Variants in JRK observed in about 807,000 individuals in gnomAD.
JRK encodes Jrk helix-turn-helix protein.
For synonymous variants in JRK, 303 were observed against 218.1 expected (o/e 1.39, Z -3.43); for missense variants, 720 against 509.2 (o/e 1.41, Z -3.98).
In JRK at chr8:142,664,662, T is replaced by C. The variant is rs1554635237; in HGVS notation, c.1397A>G (p.Glu466Gly). The change falls in exon 2 of 2, where the codon GAA becomes GGA. Residue 466 changes from glutamate (E) to glycine (G), a missense_variant. Physicochemically the swap from Glu to Gly is moderately conservative, Grantham distance 98 (BLOSUM62 -2). Coordinates refer to ENST00000612905, the MANE Select transcript of JRK (RefSeq NM_003724.4). ...TSPAEVVWSS[E>G]KTPKADQDGR... ...GTCCTGGTCAGCTTTCGGAGTCTTT[T>C]CTGAACTCCACACAACCTCTGCTGG... 1.9e-6 allele frequency: 3 copies of C among 1,611,628 alleles called. No individual in the cohort carries two copies. The highest frequency in any genetic ancestry group is 1.7e-5 in the Admixed American group (1 of 59,854).
At chr8:142,646,575 T>C in the JRK span, among the ~76,000 whole-genome samples, 1 of 152,250 alleles carries the variant, frequency 6.6e-6, no homozygotes, top group African/African-American at 2.4e-5. Context: ...AGTATAAAAT[T>C]GCTTTAAAAA....
At position 142,660,369 on chromosome 8, in the gene JRK, A is replaced by G. The variant is rs1472706113; in HGVS notation, c.*3983T>C. 7.1e-6 allele frequency: 7 copies of G among 984,984 alleles called. No homozygotes were observed. Among genetic ancestry groups the G allele is most frequent in the Non-Finnish European group, 8.4e-6 (7 of 829,904 alleles). The allele number at this position is 984,984 out of a possible 1,614,324, so 61.0% of individuals were successfully genotyped here. A position where few individuals can be genotyped will look rare whatever the true frequency, so the allele number is the denominator to read the frequency against. ...CCCTACCTACCTCATGACCTCCCCG[A>G]CCCTGATCTCCACACCTGACCCCAA... is the stretch of plus-strand genomic sequence containing the variant. On this transcript the variant is annotated 3_prime_UTR_variant, in exon 2 of 2. Coordinates refer to ENST00000612905, the MANE Select transcript of JRK (RefSeq NM_003724.4).
downstream of JRK, among the ~76,000 whole-genome samples, chr8:142,652,790 G>A (rs1487014952): frequency 6.6e-6 from 1 of 152,178 alleles, no homozygotes; most frequent in Non-Finnish European, 1.5e-5. Context: ...AAAGAGAGGT[G>A]ACCTATAGCT....
At chr8:142,647,812 GGGTTGGAAC>G in the JRK span, among the ~76,000 whole-genome samples, 2 of 152,234 alleles carry the variant, frequency 1.3e-5, no homozygotes, top group Admixed American at 6.5e-5. Context: ...TAAAAGGCAG[GGGTTGGAAC>G]AGTTTGGAGG....
At chr8:142,643,835 A>G in the JRK span, among the ~76,000 whole-genome samples, 1 of 152,236 alleles carries the variant, frequency 6.6e-6, no homozygotes, top group Non-Finnish European at 1.5e-5. Context: ...TATGTAAATA[A>G]CTGTATTGCC....
At chr8:142,647,429 T>G in the JRK span, among the ~76,000 whole-genome samples, 1 of 150,256 alleles carries the variant, frequency 6.7e-6, no homozygotes, top group Non-Finnish European at 1.5e-5. Flanking sequence ...AATTCCCACA[T>G]GTTATGGGAG....
downstream of JRK, among the ~76,000 whole-genome samples, chr8:142,654,104 G>A (rs1554633420): frequency 6.6e-6 from 1 of 152,160 alleles, no homozygotes; most frequent in Non-Finnish European, 1.5e-5. Flanking sequence ...CTGCTGATTG[G>A]TATCAAACCA....
chr8:142,654,628 T>C (rs185465815), downstream of JRK, among the ~76,000 whole-genome samples: 505 of 103,698 alleles, frequency 4.9e-3, 2 homozygotes, highest in African/African-American at 0.014. Context: ...CTGACCTCCC[T>C]GGCTGGCTCA....
At chr8:142,653,449 G>C (rs1274371652), downstream of JRK, among the ~76,000 whole-genome samples, 2 of 152,108 alleles carry the variant, frequency 1.3e-5, no homozygotes, top group Admixed American at 6.5e-5. Flanking sequence ...TCATGGCACA[G>C]TGTGGCCTTG....
Position 142,658,802 on chromosome 8 carries a change from T to A in JRK, c.*5550A>T, listed in dbSNP as rs1846819935. 22 of 1,580,592 alleles carry A rather than the reference T, an allele frequency of 1.4e-5. No homozygotes were observed. The highest frequency in any genetic ancestry group is 1.8e-5 in the Non-Finnish European group (21 of 1,163,188). On this transcript the variant is annotated 3_prime_UTR_variant, in exon 2 of 2. Coordinates refer to ENST00000612905, the MANE Select transcript of JRK (RefSeq NM_003724.4). ...ACACCCATAACCTCAAGGGCACTGGTGGGGACAGAGGGGTCTTACCCAGCA... is the reference window on the plus strand; with the variant it reads ...ACACCCATAACCTCAAGGGCACTGGAGGGGACAGAGGGGTCTTACCCAGCA...
Position 142,663,514 on chromosome 8 carries a change from A to G in JRK, c.*838T>C, listed in dbSNP as rs750530. On this transcript the variant is annotated 3_prime_UTR_variant, in exon 2 of 2. Transcript: ENST00000612905. Reference sequence around the variant, plus strand: ...ATCAAGACGTATTCATGTAAAGGCCATAAGTATGAAATTCTGGGCAACATG... The same window carrying G: ...ATCAAGACGTATTCATGTAAAGGCCGTAAGTATGAAATTCTGGGCAACATG... 651,986 of 985,338 alleles carry G rather than the reference A, an allele frequency of 0.66. 218,997 individuals are homozygous for G. The highest frequency in any genetic ancestry group is 0.69 in the Admixed American group (11,268 of 16,278). The allele number at this position is 985,338 out of a possible 1,614,324, so 61.0% of individuals were successfully genotyped here.
In JRK at chr8:142,665,134, C is replaced by T. The variant is rs587668078; in HGVS notation, c.925G>A (p.Glu309Lys). ...GTGAAAACGTTACTGGACACCAGCTCGGCCTCCTGCGGGTGAGCCCGGGAG... is the reference window on the plus strand; with the variant it reads ...GTGAAAACGTTACTGGACACCAGCTTGGCCTCCTGCGGGTGAGCCCGGGAG... ...DSSRAHPQEA[E>K]LVSSNVFTIF... The change falls in exon 2 of 2, where the codon GAG (glutamate) becomes AAG (lysine). Residue 309 changes from glutamate (E) to lysine (K), a missense_variant. Transcript: ENST00000612905. 38 of 717,826 alleles carry T rather than the reference C, an allele frequency of 5.3e-5. No individual in the cohort carries two copies. The highest frequency in any genetic ancestry group is 8.7e-5 in the African/African-American group (5 of 57,400). The allele number at this position is 717,826 out of a possible 1,614,324, so 44.5% of individuals were successfully genotyped here.
rs1846960250 is a variant in JRK, at chr8:142,662,857, A to G, written c.*1495T>C. The G allele has an allele frequency of 1.0e-6, 1 of 985,266 alleles. No individual in the cohort carries two copies. The highest frequency in any genetic ancestry group is 6.2e-5 in the Admixed American group (1 of 16,258). 61.0% of individuals were successfully genotyped at this position (985,266 alleles called of 1,614,324 possible). A position where few individuals can be genotyped will look rare whatever the true frequency, so the allele number is the denominator to read the frequency against. On this transcript the variant is annotated 3_prime_UTR_variant, in exon 2 of 2. Coordinates refer to ENST00000612905, the MANE Select transcript of JRK (RefSeq NM_003724.4). ...TCAAGGGCAAAGCACTGAAAATAACATAGCAAGAAAAACCTATTTAGGCCG... is the reference window on the plus strand; with the variant it reads ...TCAAGGGCAAAGCACTGAAAATAACGTAGCAAGAAAAACCTATTTAGGCCG...
rs1846926245 is a variant in JRK at position 142,661,868 on chromosome 8, G to A, written c.*2484C>T. 2 of 985,398 alleles carry A rather than the reference G, an allele frequency of 2.0e-6. No individual in the cohort carries two copies. Among genetic ancestry groups the A allele is most frequent in the Admixed American group, 6.1e-5 (1 of 16,262 alleles). 61.0% of individuals were successfully genotyped at this position (985,398 alleles called of 1,614,324 possible). ...AGGAAGTGAAAACAAAGTGCTCGGA[G>A]GACACGGCAGTCTCCATAAAGCGTT... On this transcript the variant is annotated 3_prime_UTR_variant, in exon 2 of 2. Coordinates refer to ENST00000612905, the MANE Select transcript of JRK (RefSeq NM_003724.4).
Position 142,661,567 on chromosome 8 carries a change from T to G in JRK, c.*2785A>C. On this transcript the variant is annotated 3_prime_UTR_variant, in exon 2 of 2. Transcript: ENST00000612905. ...GCCACTGGAAAACTGAGGCTGCAAC[T>G]TGCAGGGGCACTGTGAGAAGACAGG... The G allele has an allele frequency of 1.0e-6, 1 of 985,508 alleles. No homozygotes were observed. The highest frequency in any genetic ancestry group is 1.2e-6 in the Non-Finnish European group (1 of 829,990). The allele number at this position is 985,508 out of a possible 1,614,324, so 61.0% of individuals were successfully genotyped here. A position where few individuals can be genotyped will look rare whatever the true frequency, so the allele number is the denominator to read the frequency against.
Position 142,662,013 on chromosome 8 carries a change from G to C in JRK, c.*2339C>G, listed in dbSNP as rs1159519664. 2 of 985,362 alleles carry C rather than the reference G, an allele frequency of 2.0e-6. No individual in the cohort carries two copies. Among genetic ancestry groups the C allele is most frequent in the East Asian group, 2.3e-4 (2 of 8,808 alleles). 61.0% of individuals were successfully genotyped at this position (985,362 alleles called of 1,614,324 possible). A position where few individuals can be genotyped will look rare whatever the true frequency, so the allele number is the denominator to read the frequency against. On this transcript the variant is annotated 3_prime_UTR_variant, in exon 2 of 2. Coordinates refer to ENST00000612905, the MANE Select transcript of JRK (RefSeq NM_003724.4). The stretch of plus-strand genomic sequence containing the variant: ...CCAGCAGCGAGCCCAGGTGAGGAGG[G>C]GCTGCAGGAGGAGCAGGGCCCGAGT...
rs374935547 is a variant in JRK, at chr8:142,662,714, C to T, written c.*1638G>A. The T allele has an allele frequency of 2.2e-5, 22 of 985,440 alleles. No individual in the cohort carries two copies. In the East Asian group the frequency reaches 4.5e-4, roughly 20 times the overall value. The allele number at this position is 985,440 out of a possible 1,614,324, so 61.0% of individuals were successfully genotyped here. ...GATGTGAAAGTACGAGAAACCACAG[C>T]GAGCCAAATCCTCTCCTTCATGAGA... On this transcript the variant is annotated 3_prime_UTR_variant, in exon 2 of 2. Coordinates refer to ENST00000612905, the MANE Select transcript of JRK (RefSeq NM_003724.4).
chr8:142,650,337 G>A, the JRK span, among the ~76,000 whole-genome samples: 1 of 152,212 alleles, frequency 6.6e-6, no homozygotes, highest in African/African-American at 2.4e-5. Flanking sequence ...GACTCTGGGA[G>A]ACTGTTGGAA....
intron 1 of JRK, among the ~76,000 whole-genome samples, chr8:142,669,181 TGTGTGTGTGTGTGTGTGTGC>T (rs1395113442): frequency 1.1e-4 from 13 of 121,278 alleles, no homozygotes; most frequent in South Asian, 5.3e-4. Context: ...TGTGTGTGTG[TGTGTGTGTGTGTGTGTGTGC>T]GTGTGTGTGT....
Sources: gnomAD v4.1 joint callset for allele counts (sites outside exome capture counted in the v4.1 genomes callset) on GRCh38, gnomAD v4.1.1 for gene constraint, MANE v1.5 for transcripts, NCBI Gene and HGNC (gene_info 2026-07-23, HGNC 2026-07-21) for gene names.